WDR5: variants seen among roughly 807,000 people sequenced by gnomAD.
The protein encoded by WDR5 is WD repeat domain 5, also known as WD repeat-containing protein 5.
For synonymous variants in WDR5, 144 were observed against 161.6 expected (o/e 0.89, Z 0.83); for missense variants, 187 against 416.9 (o/e 0.45, Z 4.80).
rs976296143 is a variant in WDR5 at position 134,139,970 on chromosome 9, G to T, written c.81+12G>T. ...CCACTCAGAGCAAGGTGCGTGCCCAGGGGCCCCTTGGACACCTTCCGGGGG... is the reference window on the plus strand; with the variant it reads ...CCACTCAGAGCAAGGTGCGTGCCCATGGGCCCCTTGGACACCTTCCGGGGG... On this transcript the variant is annotated intron_variant, in intron 2 of 13. Transcript: ENST00000358625. 6.2e-7 allele frequency: 1 copy of T among 1,613,474 alleles called. No individual in the cohort carries two copies. Among genetic ancestry groups the T allele is most frequent in the East Asian group, 2.2e-5 (1 of 44,882 alleles).
intron 1 of WDR5, among the ~76,000 whole-genome samples, chr9:134,137,684 C>CAAA (rs538705043): frequency 6.6e-4 from 69 of 104,950 alleles, no homozygotes; most frequent in Middle Eastern, 5.1e-3. Flanking sequence ...AAAACAAAAA[C>CAAA]AAAAAAAAAA....
intron 7 of WDR5, among the ~76,000 whole-genome samples, chr9:134,146,568 T>C (rs73663023): frequency 0.016 from 2,369 of 152,312 alleles, 59 homozygotes; most frequent in African/African-American, 0.053. Context: ...TTAACTTTTC[T>C]GGCAGCCTTC....
At chr9:134,149,092 G>A (rs35237188) in intron 8 of WDR5, among the ~76,000 whole-genome samples, 11,685 of 152,212 alleles carry the variant, frequency 0.077, 928 homozygotes, top group African/African-American at 0.2. Context: ...GGAACCCTCA[G>A]GTGGACACGC....
intron 7 of WDR5, among the ~76,000 whole-genome samples, chr9:134,146,315 A>G (rs970493208): frequency 1.1e-4 from 17 of 150,522 alleles, no homozygotes; most frequent in African/African-American, 4.2e-4. Flanking sequence ...GCTCACTGCA[A>G]CCTCCGCCTC....
rs1832840371 is a variant in WDR5, at chr9:134,158,272, T to A, written c.*279T>A. 3.5e-6 allele frequency: 1 copy of A among 282,622 alleles called. No homozygotes were observed. Among genetic ancestry groups the A allele is most frequent in the African/African-American group, 2.2e-5 (1 of 45,696 alleles). 17.5% of individuals were successfully genotyped at this position (282,622 alleles called of 1,614,324 possible). A position where few individuals can be genotyped will look rare whatever the true frequency, so the allele number is the denominator to read the frequency against. On this transcript the variant is annotated 3_prime_UTR_variant, in exon 14 of 14. Transcript: ENST00000358625. ...AGAGTCAACAAAAGTTTTTAATTTT[T>A]TATTACAGAAGGGTGAAGTTCAATT...
upstream of WDR5, chr9:134,135,972 C>T (rs1453277404): frequency 3.9e-5 from 6 of 152,158 alleles, no homozygotes; most frequent in East Asian, 1.2e-3. Context: ...TGGGCCGGCC[C>T]GAGGCATTCT....
At chr9:134,153,387 G>A (rs1832590366) in intron 9 of WDR5, among the ~76,000 whole-genome samples, 1 of 152,246 alleles carries the variant, frequency 6.6e-6, no homozygotes. Context: ...GGTCTAGCGA[G>A]TTAGACCCTT....
chr9:134,139,765 AT>A, intron 1 of WDR5, 54 bp from the exon 2 acceptor site: 2 of 1,171,890 alleles, frequency 1.7e-6, no homozygotes, highest in Non-Finnish European at 1.2e-6. Flanking sequence ...TTGGAAATCA[AT>A]TTTTTAAAAT....
rs572575787 is a variant in WDR5 at position 134,157,801 on chromosome 9, C to G, written c.905-92C>G. On this transcript the variant is annotated intron_variant, in intron 13 of 13. Coordinates refer to ENST00000358625, the MANE Select transcript of WDR5 (RefSeq NM_017588.3). This position sits in a 1 kb window ranked among gnomAD's most constrained non-coding sequence, Gnocchi z 5.0. ...CCAGGTGGCGGGCAGGCGCTACCCGCGTTTCTGGAGAAAGGTGGAGCTCAG... is the reference window on the plus strand; with the variant it reads ...CCAGGTGGCGGGCAGGCGCTACCCGGGTTTCTGGAGAAAGGTGGAGCTCAG... 7.9e-7 allele frequency: 1 copy of G among 1,269,664 alleles called. No homozygotes were observed. Among genetic ancestry groups the G allele is most frequent in the African/African-American group, 1.5e-5 (1 of 67,532 alleles). 78.6% of individuals were successfully genotyped at this position (1,269,664 alleles called of 1,614,324 possible). A position where few individuals can be genotyped will look rare whatever the true frequency, so the allele number is the denominator to read the frequency against.
intron 5 of WDR5, 60 bp downstream of exon 5, chr9:134,142,098 C>G (rs73663200): frequency 1.5e-6 from 2 of 1,314,410 alleles, no homozygotes; most frequent in Non-Finnish European, 2.0e-6. Flanking sequence ...GGGGCAGGTG[C>G]GGGGGACTGA....
intron 8 of WDR5, among the ~76,000 whole-genome samples, chr9:134,149,607 G>A (rs375059069): frequency 9.2e-5 from 14 of 152,284 alleles, no homozygotes; most frequent in African/African-American, 3.4e-4. Flanking sequence ...GCACGGGACA[G>A]TCTCAGAATT....
At chr9:134,152,856 C>T (rs1424268873) in intron 9 of WDR5, among the ~76,000 whole-genome samples, 2 of 152,188 alleles carry the variant, frequency 1.3e-5, no homozygotes, top group Non-Finnish European at 2.9e-5. Flanking sequence ...TTGAGGAGGC[C>T]TCTTCTTGGC....
At chr9:134,151,850 A>T in intron 8 of WDR5, 133 bp from the exon 9 acceptor site, 1 of 870,094 alleles carries the variant, frequency 1.1e-6, no homozygotes, top group Admixed American at 2.4e-5. Context: ...ATGACTGTTA[A>T]ACAGGTGAAG....
intron 10 of WDR5, 83 bp downstream of exon 10, chr9:134,154,624 A>G: frequency 6.0e-6 from 9 of 1,495,846 alleles, no homozygotes; most frequent in Non-Finnish European, 8.3e-6. Flanking sequence ...GCCTTTGGAG[A>G]GCGTGTTGTG....
At chr9:134,140,637 A>G in intron 2 of WDR5, 66 bp from the exon 3 acceptor site, 1 of 1,392,316 alleles carries the variant, frequency 7.2e-7, no homozygotes, top group Non-Finnish European at 1.0e-6. Flanking sequence ...GGGAGTCAAA[A>G]TCCAAACTGG....
chr9:134,141,209 C>G (rs1325779612), intron 3 of WDR5, among the ~76,000 whole-genome samples: 1 of 152,208 alleles, frequency 6.6e-6, no homozygotes, highest in Non-Finnish European at 1.5e-5. Context: ...TCGCTTGAAC[C>G]TGGGAGGCAG....
At chr9:134,149,049 C>A (rs780048797) in intron 8 of WDR5, among the ~76,000 whole-genome samples, 5 of 152,108 alleles carry the variant, frequency 3.3e-5, no homozygotes, top group Admixed American at 1.3e-4. Flanking sequence ...CAGCCACTGG[C>A]AGAATTGAAG....
intron 7 of WDR5, among the ~76,000 whole-genome samples, chr9:134,143,650 T>TC (rs1832016720): frequency 1.3e-5 from 2 of 151,682 alleles, no homozygotes; most frequent in African/African-American, 4.8e-5. Context: ...CCTCAGCCTC[T>TC]CCGAGTAGTT....
rs747157584 is a variant in WDR5, at chr9:134,142,056, C to T, written c.354+18C>T. 8.7e-6 allele frequency: 14 copies of T among 1,611,652 alleles called. No homozygotes were observed. In the Admixed American group the frequency reaches 2.3e-4, roughly 27 times the overall value. The stretch of plus-strand genomic sequence containing the variant: ...TGAGCTCGGTAAGTGACACTCAGTG[C>T]TTCTCTCCAGGGGAGACCGGCTGCA... On this transcript the variant is annotated intron_variant, in intron 5 of 13. Coordinates refer to ENST00000358625, the MANE Select transcript of WDR5 (RefSeq NM_017588.3).
Sources: allele counts gnomAD v4.1 joint callset (sites outside exome capture counted in the v4.1 genomes callset), GRCh38; gene constraint gnomAD v4.1.1; non-coding constraint Gnocchi (gnomAD v3.1); transcripts MANE v1.5; gene names NCBI Gene and HGNC (gene_info 2026-07-23, HGNC 2026-07-21).